AGBL1: variants seen among roughly 807,000 people sequenced by gnomAD.
The protein encoded by AGBL1 is cytosolic carboxypeptidase 4.
AGBL1 carries 130 observed loss-of-function variants against 118.9 expected under a neutral mutation model. That is an observed-to-expected ratio of 1.09 (90% CI 0.95 to 1.26). AGBL1 has a LOEUF of 1.26. AGBL1 is among the 50% of genes most tolerant of loss of function. The pLI is 0.00. For missense variants in AGBL1, 1,584 were observed against 1,298.1 expected (o/e 1.22, Z -3.38); for synonymous variants, 555 against 478.9 (o/e 1.16, Z -2.08).
At chr15:87,020,698 C>T (rs997495675) in intron 24 of AGBL1, among the ~76,000 whole-genome samples, 4 of 151,996 alleles carry the variant, frequency 2.6e-5, no homozygotes, top group Admixed American at 2.6e-4. Context: ...TTCCTATGCA[C>T]TAAAAACAGG....
rs1335683526 is a variant in AGBL1, at chr15:86,264,806, G to C, written c.1635G>C (p.Gln545His). Residue 545 changes from glutamine (Q) to histidine (H), a missense_variant, in exon 11 of 23, where the codon CAG becomes CAC. Gln to His is a conservative substitution (Grantham distance 24). Coordinates refer to ENST00000614907, the MANE Select transcript of AGBL1 (RefSeq NM_001386094.1). ...VWGHCPPPTT[Q>H]PMLERKCGVQ... ...GACACTGTCCCCCTCCCACCACCCA[G>C]CCTATGTTGGAACGAAAATGTGGAG... The C allele has an allele frequency of 1.9e-6, 3 of 1,610,200 alleles. No individual in the cohort carries two copies. Among genetic ancestry groups the C allele is most frequent in the Non-Finnish European group, 2.5e-6 (3 of 1,178,662 alleles).
chr15:86,496,931 A>T (rs548813440), intron 18 of AGBL1, among the ~76,000 whole-genome samples: 2 of 152,154 alleles, frequency 1.3e-5, no homozygotes, highest in South Asian at 2.1e-4. Context: ...GAATATACTT[A>T]CGGTGTACGA....
chr15:86,220,629 T>C (rs935535175), intron 5 of AGBL1, among the ~76,000 whole-genome samples: 2 of 152,206 alleles, frequency 1.3e-5, no homozygotes, highest in East Asian at 1.9e-4. Flanking sequence ...CTGTGACCTC[T>C]AGAATCTTAA....
At chr15:86,747,181 C>T (rs1361482835) in intron 22 of AGBL1, among the ~76,000 whole-genome samples, 1 of 151,996 alleles carries the variant, frequency 6.6e-6, no homozygotes, top group East Asian at 1.9e-4. Context: ...GCTGCTTTTC[C>T]TTAGAAATCC....
intron 17 of AGBL1, among the ~76,000 whole-genome samples, chr15:86,338,519 G>T (rs2080409507): frequency 1.7e-5 from 1 of 58,874 alleles, no homozygotes; most frequent in South Asian, 3.6e-4. Context: ...AGGGCACTGT[G>T]AAGGGATAAA....
At chr15:86,795,866 G>A (rs549492698) in intron 22 of AGBL1, among the ~76,000 whole-genome samples, 14 of 151,550 alleles carry the variant, frequency 9.2e-5, no homozygotes, top group South Asian at 6.3e-4. Context: ...GATTACAGGC[G>A]TGAGCCATCC....
downstream of AGBL1, among the ~76,000 whole-genome samples, chr15:86,916,322 G>A (rs2141612045): frequency 6.6e-6 from 1 of 152,256 alleles, no homozygotes; most frequent in Non-Finnish European, 1.5e-5. Flanking sequence ...CCAGCTCACA[G>A]CAATTTTTTT....
chr15:86,743,757 T>A (rs1268418116), intron 22 of AGBL1, among the ~76,000 whole-genome samples: 1 of 152,086 alleles, frequency 6.6e-6, no homozygotes, highest in African/African-American at 2.4e-5. Context: ...AATGACCTTA[T>A]AGCAATATTG....
chr15:86,237,335 G>A (rs1448536875), intron 6 of AGBL1, among the ~76,000 whole-genome samples: 1 of 152,152 alleles, frequency 6.6e-6, no homozygotes, highest in Admixed American at 6.5e-5. Flanking sequence ...ACCGATTCAT[G>A]AGCGATGCTT....
chr15:86,824,958 G>T (rs989734697), intron 22 of AGBL1, among the ~76,000 whole-genome samples: 1 of 152,096 alleles, frequency 6.6e-6, no homozygotes, highest in Non-Finnish European at 1.5e-5. Context: ...TTGGGAGGCT[G>T]AGGAAGGGGA....
chr15:86,812,668 A>G (rs533900108), intron 22 of AGBL1, among the ~76,000 whole-genome samples: 1 of 152,238 alleles, frequency 6.6e-6, no homozygotes, highest in East Asian at 1.9e-4. Context: ...TAGATCTGCA[A>G]TGCACACAGA....
chr15:86,254,619 C>T (rs951194610), intron 7 of AGBL1, among the ~76,000 whole-genome samples: 2 of 152,142 alleles, frequency 1.3e-5, no homozygotes, highest in Non-Finnish European at 2.9e-5. Context: ...GAAAAGGGAG[C>T]CTAAAATCTC....
chr15:86,277,183 A>G (rs1346872612), intron 15 of AGBL1, among the ~76,000 whole-genome samples: 8 of 150,690 alleles, frequency 5.3e-5, no homozygotes, highest in Non-Finnish European at 7.4e-5. Flanking sequence ...GCAGTGTGCA[A>G]CCATCCTGGA....
chr15:86,177,927 A>G (rs1409246003), intron 5 of AGBL1, among the ~76,000 whole-genome samples: 1 of 152,192 alleles, frequency 6.6e-6, no homozygotes, highest in African/African-American at 2.4e-5. Context: ...AGGAAATAAG[A>G]AAAATCAGAA....
chr15:86,366,938 G>C (rs2080896533), intron 17 of AGBL1, among the ~76,000 whole-genome samples: 1 of 152,182 alleles, frequency 6.6e-6, no homozygotes, highest in Admixed American at 6.5e-5. Context: ...CGGGCTTGTG[G>C]ACCATGCTTA....
chr15:86,878,302 C>T (rs1436930752), intron 22 of AGBL1, among the ~76,000 whole-genome samples: 1 of 152,206 alleles, frequency 6.6e-6, no homozygotes, highest in Non-Finnish European at 1.5e-5. Flanking sequence ...TCATTCAACT[C>T]TGCCCTTGTA....
chr15:86,254,821 T>A (rs1042859976), intron 7 of AGBL1, among the ~76,000 whole-genome samples: 1 of 152,196 alleles, frequency 6.6e-6, no homozygotes, highest in Non-Finnish European at 1.5e-5. Flanking sequence ...ATGAGGGAAA[T>A]GTTGACAAAG....
intron 22 of AGBL1, among the ~76,000 whole-genome samples, chr15:86,817,729 A>G (rs1567188662): frequency 6.6e-6 from 1 of 152,000 alleles, no homozygotes; most frequent in Non-Finnish European, 1.5e-5. Context: ...CCTCCAAAAG[A>G]TACATTGAAG....
At chr15:86,255,241 T>C (rs377362141) in intron 7 of AGBL1, among the ~76,000 whole-genome samples, 14 of 152,310 alleles carry the variant, frequency 9.2e-5, no homozygotes, top group African/African-American at 3.4e-4. Context: ...TCTGTTTTAT[T>C]TTTTTCCCAT....
Sources: allele counts gnomAD v4.1 joint callset (sites outside exome capture counted in the v4.1 genomes callset), GRCh38; gene constraint gnomAD v4.1.1; transcripts MANE v1.5; gene names NCBI Gene and HGNC (gene_info 2026-07-23, HGNC 2026-07-21).